The following TMEM135 variants were observed in gnomAD, a reference collection of about 807,000 sequenced individuals.
The protein encoded by TMEM135 is peroxisomal membrane protein 52.
In TMEM135, 30 loss-of-function variants were observed where a neutral mutation model predicts 60.3. The ratio of observed to expected loss-of-function variants is 0.50; its 90% CI spans 0.37 to 0.68. The LOEUF (loss-of-function observed/expected upper bound fraction) is 0.68. Among genes scored for constraint, TMEM135 ranks in the 30% least tolerant of loss-of-function variants. The pLI, the probability that TMEM135 is intolerant of heterozygous loss-of-function variation, is 0.00. For missense variants in TMEM135, 468 were observed against 548.8 expected (o/e 0.85, Z 1.47); for synonymous variants, 190 against 186.7 (o/e 1.02, Z -0.14).
chr11:87,111,686 C>T lies in TMEM135; in HGVS notation c.396+20291C>T, dbSNP rs542659430. The stretch of plus-strand genomic sequence containing the variant: ...AAAAAAAAAAAGAAAAAGAAATTTC[C>T]TGCATTAATAACCTGAATGCTTTGT... On this transcript the variant is annotated intron_variant, in intron 4 of 14. Coordinates refer to ENST00000305494, the MANE Select transcript of TMEM135 (RefSeq NM_022918.4). Among the ~76,000 whole-genome samples, 7 of 142,434 alleles carry T rather than the reference C, an allele frequency of 4.9e-5. No homozygotes were observed. In the South Asian group the frequency reaches 1.1e-3, roughly 23 times the overall value. The allele number at this position is 142,434 out of a possible 152,430, so 93.4% of individuals were successfully genotyped here.
chr11:87,130,740 G>A (rs1030875495), intron 4 of TMEM135, among the ~76,000 whole-genome samples: 1 of 152,012 alleles, frequency 6.6e-6, no homozygotes, highest in African/African-American at 2.4e-5. Context: ...GGCCTCAAGC[G>A]CTCTTCCTAT....
intron 5 of TMEM135, among the ~76,000 whole-genome samples, chr11:87,214,237 TG>T (rs1940447133): frequency 6.6e-6 from 1 of 152,118 alleles, no homozygotes; most frequent in Non-Finnish European, 1.5e-5. Flanking sequence ...TGTTCTAGAA[TG>T]GGGTGAATGC....
At chr11:87,161,887 A>G (rs1938890234) in intron 5 of TMEM135, among the ~76,000 whole-genome samples, 1 of 152,230 alleles carries the variant, frequency 6.6e-6, no homozygotes, top group East Asian at 1.9e-4. Context: ...TAATTCAGCA[A>G]GAATTTATTG....
chr11:87,144,490 TG>T (rs1301933236), intron 4 of TMEM135, among the ~76,000 whole-genome samples: 1 of 152,262 alleles, frequency 6.6e-6, no homozygotes, highest in Non-Finnish European at 1.5e-5. Context: ...GGCTGAATTT[TG>T]CCTGCAGGCG....
At chr11:87,252,652 T>G (rs1019209599) in intron 6 of TMEM135, among the ~76,000 whole-genome samples, 2 of 151,520 alleles carry the variant, frequency 1.3e-5, no homozygotes, top group African/African-American at 2.4e-5. Context: ...ATGCCTGTAA[T>G]CCCAGCTACT....
chr11:87,287,671 G>A (rs942127667), intron 6 of TMEM135, among the ~76,000 whole-genome samples: 5 of 152,116 alleles, frequency 3.3e-5, no homozygotes, highest in African/African-American at 7.2e-5. Context: ...GTGAGACTGC[G>A]TCTCATAAAT....
intron 8 of TMEM135, 132 bp from the exon 9 acceptor site, chr11:87,305,804 T>TAAATAAATAAATAAAG (rs1026222945): frequency 1.5e-4 from 60 of 412,334 alleles, no homozygotes; most frequent in Non-Finnish European, 2.3e-4. Context: ...AATAAATAAA[T>TAAATAAATAAATAAAG]AAAGTGATGT....
At chr11:87,115,366 A>G (rs1435014304) in intron 4 of TMEM135, among the ~76,000 whole-genome samples, 1 of 152,154 alleles carries the variant, frequency 6.6e-6, no homozygotes, top group Non-Finnish European at 1.5e-5. Flanking sequence ...ATCTTAAAAT[A>G]TCTCTATCCT....
At chr11:87,272,355 C>T (rs1941885608) in intron 6 of TMEM135, among the ~76,000 whole-genome samples, 1 of 152,088 alleles carries the variant, frequency 6.6e-6, no homozygotes, top group Non-Finnish European at 1.5e-5. Flanking sequence ...CGCACCTAGC[C>T]AGCTTGCATT....
chr11:87,232,443 C>T (rs1488047343), intron 5 of TMEM135, among the ~76,000 whole-genome samples: 1 of 151,878 alleles, frequency 6.6e-6, no homozygotes, highest in Non-Finnish European at 1.5e-5. Flanking sequence ...CTAATAATTC[C>T]TACTACAGGA....
At chr11:87,162,983 T>C (rs1938929165) in intron 5 of TMEM135, among the ~76,000 whole-genome samples, 2 of 152,062 alleles carry the variant, frequency 1.3e-5, no homozygotes, top group African/African-American at 2.4e-5. Flanking sequence ...GATGATGAGC[T>C]TTTTTTCATG....
chr11:87,243,454 T>C (rs879809514), intron 6 of TMEM135, among the ~76,000 whole-genome samples: 10,557 of 119,442 alleles, frequency 0.088, 303 homozygotes, highest in African/African-American at 0.16. Context: ...AGTATGGCCA[T>C]TTTCACGATA....
chr11:87,054,834 A>G (rs1949877507), intron 1 of TMEM135, among the ~76,000 whole-genome samples: 1 of 147,714 alleles, frequency 6.8e-6, no homozygotes, highest in Non-Finnish European at 1.5e-5. Flanking sequence ...ACTCTCAAGC[A>G]CAGGAGGCAC....
chr11:87,226,771 G>C (rs934669593), intron 5 of TMEM135, among the ~76,000 whole-genome samples: 7 of 152,202 alleles, frequency 4.6e-5, no homozygotes, highest in Non-Finnish European at 8.8e-5. Flanking sequence ...TTGCCTGGGT[G>C]TGGTAGTTCA....
At chr11:87,125,102 T>A in intron 4 of TMEM135, among the ~76,000 whole-genome samples, 1 of 152,182 alleles carries the variant, frequency 6.6e-6, no homozygotes, top group East Asian at 1.9e-4. Context: ...CAAAGTGTCC[T>A]TCCCTTTAAT....
chr11:87,244,794 A>G (rs1462400693), intron 6 of TMEM135, among the ~76,000 whole-genome samples: 2 of 121,252 alleles, frequency 1.6e-5, no homozygotes, highest in Admixed American at 1.6e-4. Flanking sequence ...ATCCTTTCAA[A>G]GAACCAGCTC....
At chr11:87,123,131 C>T (rs61904207) in intron 4 of TMEM135, among the ~76,000 whole-genome samples, 9,338 of 152,206 alleles carry the variant, frequency 0.061, 401 homozygotes, top group South Asian at 0.12. Context: ...TTCTTTTGTT[C>T]TCTTAAAACT....
intron 4 of TMEM135, among the ~76,000 whole-genome samples, chr11:87,107,114 A>G (rs996841026): frequency 6.6e-6 from 1 of 152,182 alleles, no homozygotes. Context: ...GCAATTCAAC[A>G]TGACATTTCA....
intron 5 of TMEM135, among the ~76,000 whole-genome samples, chr11:87,223,491 C>T (rs1025814427): frequency 6.6e-6 from 1 of 151,998 alleles, no homozygotes; most frequent in Admixed American, 6.5e-5. Flanking sequence ...TTCTACAGTT[C>T]ATCTGATTCA....
Sources: allele counts gnomAD v4.1 joint callset (sites outside exome capture counted in the v4.1 genomes callset), GRCh38; gene constraint gnomAD v4.1.1; transcripts MANE v1.5; gene names NCBI Gene and HGNC (gene_info 2026-07-23, HGNC 2026-07-21).